The following NLRP8 variants were observed in gnomAD, a reference collection of about 807,000 sequenced individuals.
NLRP8 encodes the protein NLR family pyrin domain containing 8.
In NLRP8, 86 loss-of-function variants were observed where a neutral mutation model predicts 88.7. The ratio of observed to expected loss-of-function variants is 0.97; its 90% CI spans 0.81 to 1.16. NLRP8 has a LOEUF of 1.16. Ranked by LOEUF, NLRP8 falls within the 50% of genes most tolerant of loss-of-function variation. NLRP8 has a pLI of 0.00. For missense variants in NLRP8, 1,342 were observed against 1,286.5 expected (o/e 1.04, Z -0.66); for synonymous variants, 504 against 494.6 (o/e 1.02, Z -0.25).
At chr19:55,963,968 C>A (rs1415364468) in intron 4 of NLRP8, among the ~76,000 whole-genome samples, 1 of 152,070 alleles carries the variant, frequency 6.6e-6, no homozygotes, top group Non-Finnish European at 1.5e-5. Context: ...AGTAGGTGTC[C>A]CTATTTCACA....
intron 8 of NLRP8, among the ~76,000 whole-genome samples, chr19:55,977,352 ATTAT>A (rs1483343583): frequency 3.4e-5 from 5 of 145,246 alleles, no homozygotes; most frequent in Admixed American, 7.1e-5. Flanking sequence ...TAAGCAATAT[ATTAT>A]TTATATATAA....
chr19:55,954,437 T>C, intron 2 of NLRP8, 64 bp from the exon 3 acceptor site: 1 of 1,500,736 alleles, frequency 6.7e-7, no homozygotes, highest in Non-Finnish European at 9.1e-7. Context: ...TTCTTATTGC[T>C]CTATTAGTTC....
In NLRP8 at chr19:55,955,685, G is replaced by A. The variant is rs879041542; in HGVS notation, c.1627G>A (p.Ala543Thr). ...CCACGTGAATATCCAGCGCCTGATA[G>A]CGAGTCCCAGAGGAAGCAAAAGCTA... is the stretch of plus-strand genomic sequence containing the variant. The change falls in exon 3 of 10, where the codon GCG becomes ACG. Residue 543 changes from alanine to threonine, a missense_variant. By Grantham distance (58) the Ala-to-Thr change is moderately conservative. Coordinates refer to ENST00000291971, the MANE Select transcript of NLRP8 (RefSeq NM_176811.2). 1 of 1,614,156 alleles carries A rather than the reference G, an allele frequency of 6.2e-7. No homozygotes were observed. Among genetic ancestry groups the A allele is most frequent in the Non-Finnish European group, 8.5e-7 (1 of 1,179,984 alleles).
rs777799010 is a variant in NLRP8 at position 55,955,842 on chromosome 19, A to T, written c.1784A>T (p.His595Leu). ...CTGCTGAAAGTCATACCTCTGTTGC[A>T]TAAATGTGACCCACCTTCTCCGGGC... The change falls in exon 3 of 10, where the codon CAT becomes CTT. Residue 595 changes from histidine to leucine, a missense_variant. Physicochemically the swap from His to Leu is moderately conservative, Grantham distance 99. Coordinates refer to ENST00000291971, the MANE Select transcript of NLRP8 (RefSeq NM_176811.2). 6.2e-7 allele frequency: 1 copy of T among 1,614,188 alleles called. No homozygotes were observed. The highest frequency in any genetic ancestry group is 2.2e-5 in the East Asian group (1 of 44,882).
rs935738776 is a variant in NLRP8 at position 55,970,564 on chromosome 19, C to T, written c.2402C>T (p.Thr801Ile). 6 of 1,614,114 alleles carry T rather than the reference C, an allele frequency of 3.7e-6. No homozygotes were observed. The highest frequency in any genetic ancestry group is 5.1e-6 in the Non-Finnish European group (6 of 1,180,010). Residue 801 changes from threonine to isoleucine, a missense_variant, in exon 6 of 10, where the codon ACC (threonine) becomes ATC (isoleucine). Coordinates refer to ENST00000291971, the MANE Select transcript of NLRP8 (RefSeq NM_176811.2). ...TACAGGTTGGAAGACTGCTTGGCCA[C>T]CCCTAGAATTTGGACTGATCTTGGC... is the stretch of plus-strand genomic sequence containing the variant.
chr19:55,979,584 C>G lies in NLRP8; in HGVS notation c.3047+20C>G, dbSNP rs763794450. On this transcript the variant is annotated intron_variant, in intron 9 of 9. Transcript: ENST00000291971. ...CATTTTGTAAGTCTCCACCGGGTTT[C>G]CTGTGCAAAACCTACCACACAAGAG... 11 of 1,613,720 alleles carry G rather than the reference C, an allele frequency of 6.8e-6. No individual in the cohort carries two copies. The highest frequency in any genetic ancestry group is 8.5e-6 in the Non-Finnish European group (10 of 1,179,758).
chr19:55,950,494 T>C (rs1237918576), intron 1 of NLRP8, among the ~76,000 whole-genome samples: 1 of 152,060 alleles, frequency 6.6e-6, no homozygotes. Context: ...GATTCTGTAT[T>C]CGTGAATGTG....
At chr19:55,987,736 G>C (rs894370654) in intron 9 of NLRP8, 1 of 1,067,624 alleles carries the variant, frequency 9.4e-7, no homozygotes, top group Admixed American at 1.7e-5. Flanking sequence ...AAAGCATAGA[G>C]ACAAAATGCA....
In NLRP8 at chr19:55,954,883, G is replaced by C. The variant is rs575075134; in HGVS notation, c.825G>C (p.Met275Ile). 1.8e-5 allele frequency: 29 copies of C among 1,614,180 alleles called. No individual in the cohort carries two copies. In the South Asian group the frequency reaches 3.1e-4, roughly 17 times the overall value. ...CTCAGGACCTCGTGTCAAAGATTAT[G>C]TCCAAACCCGACCAACTTCTGCTGC... Residue 275 changes from methionine to isoleucine, a missense_variant, in exon 3 of 10, where the codon ATG (methionine) becomes ATC (isoleucine). Coordinates refer to ENST00000291971, the MANE Select transcript of NLRP8 (RefSeq NM_176811.2).
At chr19:55,961,938 T>G in intron 3 of NLRP8, 129 bp from the exon 4 acceptor site, 2 of 702,716 alleles carry the variant, frequency 2.8e-6, no homozygotes, top group Non-Finnish European at 4.4e-6. Context: ...TTTATTTAAA[T>G]GAGGATGTCT....
chr19:55,987,524 A>T (rs1651649563), intron 9 of NLRP8, among the ~76,000 whole-genome samples: 1 of 152,176 alleles, frequency 6.6e-6, no homozygotes, highest in South Asian at 2.1e-4. Context: ...AATGCCATAC[A>T]ATTCTGACGG....
At chr19:55,983,183 G>T (rs1326186818) in intron 9 of NLRP8, among the ~76,000 whole-genome samples, 5 of 152,078 alleles carry the variant, frequency 3.3e-5, no homozygotes, top group Non-Finnish European at 7.4e-5. Context: ...TTGAAAGTAG[G>T]CCAGGTGCGG....
intron 9 of NLRP8, among the ~76,000 whole-genome samples, chr19:55,986,481 C>CACACACAT (rs1555759197): frequency 5.5e-5 from 8 of 144,488 alleles, no homozygotes; most frequent in Non-Finnish European, 1.1e-4. Flanking sequence ...CATACACACA[C>CACACACAT]ACACACACAC....
intron 4 of NLRP8, among the ~76,000 whole-genome samples, chr19:55,962,461 T>C (rs1004309536): frequency 6.6e-6 from 1 of 152,186 alleles, no homozygotes; most frequent in African/African-American, 2.4e-5. Flanking sequence ...GTTAGCTTGG[T>C]GCAAATGCCA....
At position 55,979,409 on chromosome 19, in the gene NLRP8, G is replaced by C. The variant is rs777599633; in HGVS notation, c.2892G>C (p.Leu964=). Residue 964 remains leucine, a synonymous_variant, in exon 9 of 10, where the codon CTG becomes CTC. Coordinates refer to ENST00000291971, the MANE Select transcript of NLRP8 (RefSeq NM_176811.2). ...TGTGTCACAGGCTGGAAAACTGCCT[G>C]TTCACCTCCATCTGCTGCCAGGCCA... 10 of 1,613,720 alleles carry C rather than the reference G, an allele frequency of 6.2e-6. No individual in the cohort carries two copies. Among genetic ancestry groups the C allele is most frequent in the African/African-American group, 1.3e-5 (1 of 74,932 alleles).
chr19:55,977,927 T>C (rs1223671581), intron 8 of NLRP8, among the ~76,000 whole-genome samples: 1 of 152,204 alleles, frequency 6.6e-6, no homozygotes, highest in Non-Finnish European at 1.5e-5. Context: ...TCATGATTCT[T>C]TGATGCCTCA....
At chr19:55,959,001 C>T (rs1979496953) in intron 3 of NLRP8, among the ~76,000 whole-genome samples, 1 of 152,016 alleles carries the variant, frequency 6.6e-6, no homozygotes, top group African/African-American at 2.4e-5. Flanking sequence ...GCCTCAGCCT[C>T]CCGAGTAGCT....
chr19:55,967,733 A>C (rs148901322), intron 5 of NLRP8, among the ~76,000 whole-genome samples: 2 of 152,250 alleles, frequency 1.3e-5, no homozygotes, highest in South Asian at 4.1e-4. Flanking sequence ...GCTGGATCAC[A>C]TGGCAGCCTG....
rs77906145 is a variant in NLRP8 at position 55,960,737 on chromosome 19, G to A, written c.2043-1330G>A. Among the ~76,000 whole-genome samples, 1,320 of 152,062 alleles carry A rather than the reference G, an allele frequency of 8.7e-3. 18 individuals are homozygous for A. The highest frequency in any genetic ancestry group is 0.03 in the African/African-American group (1,225 of 41,460). On this transcript the variant is annotated intron_variant, in intron 3 of 9. Coordinates refer to ENST00000291971, the MANE Select transcript of NLRP8 (RefSeq NM_176811.2). Reference sequence around the variant, plus strand: ...GATTTAAATTTTATGCAAAAATTACGCTAGTGTAAATATTCTAAAAATTGC... The same window carrying A: ...GATTTAAATTTTATGCAAAAATTACACTAGTGTAAATATTCTAAAAATTGC...
Sources: allele counts gnomAD v4.1 joint callset (sites outside exome capture counted in the v4.1 genomes callset), GRCh38; gene constraint gnomAD v4.1.1; transcripts MANE v1.5; gene names NCBI Gene and HGNC (gene_info 2026-07-23, HGNC 2026-07-21).